Variants in ARNT2 observed in about 807,000 individuals in gnomAD.
The protein encoded by ARNT2 is aryl hydrocarbon receptor nuclear translocator 2.
Under a neutral mutation model 91.7 loss-of-function variants are expected in ARNT2, and 36 were observed. That is an observed-to-expected ratio of 0.39 (90% CI 0.30 to 0.52). ARNT2 has a LOEUF of 0.52. Ranked by LOEUF, ARNT2 falls within the 20% of genes least tolerant of loss-of-function variation. The probability of loss-of-function intolerance (pLI) is 0.72; values close to 1 mark genes in which losing one functional copy is unlikely to be tolerated. For synonymous variants in ARNT2, 365 were observed against 347.1 expected (o/e 1.05, Z -0.57); for missense variants, 775 against 939.3 (o/e 0.83, Z 2.29).
chr15:80,505,199 C>T (rs1180854567), intron 5 of ARNT2, among the ~76,000 whole-genome samples: 1 of 152,128 alleles, frequency 6.6e-6, no homozygotes, highest in African/African-American at 2.4e-5. Context: ...AACCATGGAC[C>T]AGCGAGTCTG....
At chr15:80,588,193 T>C (rs1363609883) in intron 17 of ARNT2, among the ~76,000 whole-genome samples, 1 of 152,010 alleles carries the variant, frequency 6.6e-6, no homozygotes, top group Non-Finnish European at 1.5e-5. Flanking sequence ...AAGTTTATCA[T>C]CCCTAGCTCT....
intron 11 of ARNT2, among the ~76,000 whole-genome samples, chr15:80,557,791 C>A (rs958328456): frequency 6.6e-6 from 1 of 152,162 alleles, no homozygotes; most frequent in Non-Finnish European, 1.5e-5. Flanking sequence ...AACCAGATCA[C>A]CCCATCTCCC....
At position 80,581,388 on chromosome 15, in the gene ARNT2, C is replaced by T; in HGVS notation, c.1902C>T (p.Asn634=). 6.2e-7 allele frequency: 1 copy of T among 1,614,176 alleles called. No individual in the cohort carries two copies. The highest frequency in any genetic ancestry group is 1.1e-5 in the South Asian group (1 of 91,076). Residue 634 remains asparagine (N), a synonymous_variant, in exon 17 of 19, where the codon AAC becomes AAT. Transcript: ENST00000303329. ...PSGNAYSSLA[N]RTPGFAESGQ... ...GGAATGCCTACTCCAGTCTTGCCAA[C>T]AGGACTCCAGGGTTCGGTAGGTGGG... is the stretch of plus-strand genomic sequence containing the variant.
Position 80,558,984 on chromosome 15 carries a change from C to G in ARNT2, c.1164+3845C>G, listed in dbSNP as rs113938691. On this transcript the variant is annotated intron_variant, in intron 11 of 18. Transcript: ENST00000303329. The stretch of plus-strand genomic sequence containing the variant: ...ACCCATTTCATTATCTTATGTAATC[C>G]TCAAACCTACACAGTAAGTGTTGTC... Among the ~76,000 whole-genome samples, 1,441 of 152,260 alleles carry G rather than the reference C, an allele frequency of 9.5e-3. 35 individuals carry two copies. Among genetic ancestry groups the G allele is most frequent in the African/African-American group, 0.033 (1,363 of 41,546 alleles).
chr15:80,431,889 GCAGCTGAAGTAGCTCT>G lies in ARNT2; in HGVS notation c.32-18973_32-18958del, dbSNP rs567463562. Among the ~76,000 whole-genome samples the G allele has an allele frequency of 8.0e-3, 1,212 of 152,302 alleles. 9 individuals carry two copies. The highest frequency in any genetic ancestry group is 0.013 in the Non-Finnish European group (876 of 68,026). ...TGGAGAGCACCCAGCAGGGGGCTGAGCAGCTGAAGTAGCTCTCAGCTGAAGTAGCTCTCTGAAGCAA... is the reference window on the plus strand; with the variant it reads ...TGGAGAGCACCCAGCAGGGGGCTGAGCAGCTGAAGTAGCTCTCTGAAGCAA... On this transcript the variant is annotated intron_variant, in intron 1 of 18. Transcript: ENST00000303329.
intron 5 of ARNT2, chr15:80,475,478 T>C (rs766991053): frequency 6.4e-5 from 23 of 362,060 alleles, no homozygotes; most frequent in African/African-American, 1.1e-4. Flanking sequence ...GAGAATGGCA[T>C]GAACCTGGGA....
intron 12 of ARNT2, among the ~76,000 whole-genome samples, chr15:80,569,776 G>A (rs1159564632): frequency 6.6e-6 from 1 of 152,236 alleles, no homozygotes; most frequent in African/African-American, 2.4e-5. Context: ...AGAAACATGG[G>A]CCTTCCCCAA....
intron 1 of ARNT2, among the ~76,000 whole-genome samples, chr15:80,428,625 C>T (rs545486948): frequency 2.0e-4 from 30 of 152,330 alleles, no homozygotes; most frequent in African/African-American, 7.0e-4. Context: ...AGCCAGTCTT[C>T]CAAGTCCTTG....
rs542682065 is a variant in ARNT2 at position 80,560,091 on chromosome 15, G to A, written c.1165-2997G>A. Reference sequence around the variant, plus strand: ...TGTTCCAAACCCCATTTCCCTCCAGGAGCCGTCTTCAGATCCTGACTGCAG... The same window carrying A: ...TGTTCCAAACCCCATTTCCCTCCAGAAGCCGTCTTCAGATCCTGACTGCAG... On this transcript the variant is annotated intron_variant, in intron 11 of 18. Coordinates refer to ENST00000303329, the MANE Select transcript of ARNT2 (RefSeq NM_014862.4). 4.3e-4 allele frequency: 65 copies of A among 152,348 alleles called. 1 individual carries two copies. The highest frequency in any genetic ancestry group is 7.6e-4 in the Non-Finnish European group (52 of 68,054). 9.4% of individuals were successfully genotyped at this position (152,348 alleles called of 1,614,324 possible).
chr15:80,467,888 T>G (rs1799652752), intron 3 of ARNT2, among the ~76,000 whole-genome samples: 1 of 152,176 alleles, frequency 6.6e-6, no homozygotes, highest in Non-Finnish European at 1.5e-5. Context: ...CTAATTTACC[T>G]AATTTATGGA....
intron 8 of ARNT2, among the ~76,000 whole-genome samples, chr15:80,538,424 T>A (rs192278966): frequency 2.9e-4 from 44 of 152,278 alleles, no homozygotes; most frequent in African/African-American, 1.0e-3. Flanking sequence ...GTGCAATAAA[T>A]CTAAAAATTC....
chr15:80,409,021 C>T (rs1277599242), intron 1 of ARNT2, among the ~76,000 whole-genome samples: 1 of 152,138 alleles, frequency 6.6e-6, no homozygotes, highest in African/African-American at 2.4e-5. Flanking sequence ...CCATGATCAA[C>T]ATTCCCCAGC....
chr15:80,501,471 T>C (rs1311707495), intron 5 of ARNT2, among the ~76,000 whole-genome samples: 1 of 152,248 alleles, frequency 6.6e-6, no homozygotes, highest in Non-Finnish European at 1.5e-5. Flanking sequence ...ACTTAAAGTG[T>C]TCGTGTGCGT....
At chr15:80,455,580 G>C in intron 2 of ARNT2, among the ~76,000 whole-genome samples, 1 of 152,104 alleles carries the variant, frequency 6.6e-6, no homozygotes, top group East Asian at 1.9e-4. Context: ...AGAACTCTTT[G>C]CAAAAACAAA....
chr15:80,517,713 C>T (rs909323573), intron 8 of ARNT2, among the ~76,000 whole-genome samples: 1 of 149,890 alleles, frequency 6.7e-6, no homozygotes, highest in African/African-American at 2.5e-5. Flanking sequence ...TTCACTGATA[C>T]TTTCCTTGGC....
chr15:80,425,475 A>G (rs958006269), intron 1 of ARNT2, among the ~76,000 whole-genome samples: 1 of 152,192 alleles, frequency 6.6e-6, no homozygotes, highest in Non-Finnish European at 1.5e-5. Context: ...ATTGGGAGAA[A>G]CTTTAGCAGA....
chr15:80,563,969 G>T (rs1898422007), intron 12 of ARNT2, among the ~76,000 whole-genome samples: 1 of 152,186 alleles, frequency 6.6e-6, no homozygotes. Context: ...CCTTGAACAG[G>T]TCATGCCTCC....
At chr15:80,555,288 C>T (rs777420334) in intron 11 of ARNT2, 149 bp downstream of exon 11, 10 of 709,200 alleles carry the variant, frequency 1.4e-5, no homozygotes, top group Admixed American at 1.2e-4. Context: ...AAGTCACTCA[C>T]AGTCTAGTAG....
At chr15:80,494,692 A>G (rs1434766169) in intron 5 of ARNT2, among the ~76,000 whole-genome samples, 1 of 152,184 alleles carries the variant, frequency 6.6e-6, no homozygotes, top group Non-Finnish European at 1.5e-5. Flanking sequence ...ATGTGAATGC[A>G]GAAAAAGCTG....
Sources: allele counts gnomAD v4.1 joint callset (sites outside exome capture counted in the v4.1 genomes callset), GRCh38; gene constraint gnomAD v4.1.1; transcripts MANE v1.5; gene names NCBI Gene and HGNC (gene_info 2026-07-23, HGNC 2026-07-21).